Variants in HECW1 observed in about 807,000 individuals in gnomAD.
The protein encoded by HECW1 is E3 ubiquitin-protein ligase HECW1.
A neutral mutation model predicts 182.3 loss-of-function variants in HECW1; 61 were observed. That is an observed-to-expected ratio of 0.33 (90% CI 0.27 to 0.41). HECW1 has a LOEUF of 0.41. HECW1 is among the 10% of genes least tolerant of loss of function. The pLI is 1.00. For missense variants in HECW1, 1,739 were observed against 2,108.9 expected, an observed-to-expected ratio of 0.82 and a Z score of 3.44; for synonymous variants, 859 against 832.6, an observed-to-expected ratio of 1.03 and a Z score of -0.55.
rs144834658 is a variant in HECW1 at position 43,179,061 on chromosome 7, G to A, written c.-32+64670G>A. Among the ~76,000 whole-genome samples the A allele has an allele frequency of 2.2e-3, 335 of 152,256 alleles. 3 individuals carry two copies. In the East Asian group the frequency reaches 0.035, roughly 16 times the overall value. On this transcript the variant is annotated intron_variant, in intron 2 of 29. Transcript: ENST00000395891. ...TGCCAGGCCCTTCACAAGTAACACCGAGGAAAAAGAAAGCATTTTCTCCAG... is the reference window on the plus strand; with the variant it reads ...TGCCAGGCCCTTCACAAGTAACACCAAGGAAAAAGAAAGCATTTTCTCCAG...
At chr7:43,468,879 A>G (rs2077898030) in intron 15 of HECW1, 41 bp from the exon 16 acceptor site, 2 of 1,588,118 alleles carry the variant, frequency 1.3e-6, no homozygotes. Flanking sequence ...TGTTTTTCCT[A>G]ATTCCCCACT....
intron 2 of HECW1, among the ~76,000 whole-genome samples, chr7:43,213,506 C>T (rs541016306): frequency 1.2e-4 from 16 of 134,980 alleles, no homozygotes; most frequent in South Asian, 1.2e-3. Context: ...AGTGTAGTGG[C>T]GTGATCTCGG....
intron 3 of HECW1, among the ~76,000 whole-genome samples, chr7:43,250,016 A>G (rs1489608443): frequency 6.6e-6 from 1 of 152,084 alleles, no homozygotes; most frequent in East Asian, 1.9e-4. Flanking sequence ...CTTGCTTTAC[A>G]CGATTTCAGA....
chr7:43,331,454 G>A (rs939309206), intron 5 of HECW1, among the ~76,000 whole-genome samples: 2 of 151,936 alleles, frequency 1.3e-5, no homozygotes, highest in African/African-American at 2.4e-5. Flanking sequence ...TTAGCCGGAC[G>A]TGGTGGTGGG....
chr7:43,512,128 G>A, intron 24 of HECW1: 1 of 223,244 alleles, frequency 4.5e-6, no homozygotes, highest in Non-Finnish European at 8.9e-6. Flanking sequence ...TGGAGGCTGT[G>A]AAGAGGATGA....
At position 43,132,681 on chromosome 7, in the gene HECW1, C is replaced by T. The variant is rs576590972; in HGVS notation, c.-32+18290C>T. ...TAACCCAATTTTGCCCAGTGAGTGC[C>T]TTTTATGTTATCTCTAACACAAGAA... is the stretch of plus-strand genomic sequence containing the variant. On this transcript the variant is annotated intron_variant, in intron 2 of 29. Transcript: ENST00000395891. 2.6e-5 allele frequency among the ~76,000 whole-genome samples: 4 copies of T among 152,186 alleles called. No individual in the cohort carries two copies. The South Asian group carries it at 8.3e-4, about 32-fold the overall frequency.
intron 2 of HECW1, among the ~76,000 whole-genome samples, chr7:43,144,302 T>A (rs1032755330): frequency 7.2e-5 from 11 of 152,246 alleles, no homozygotes; most frequent in African/African-American, 2.7e-4. Context: ...ACTGTTGACC[T>A]TAATCACTTG....
chr7:43,180,445 G>C (rs10215158), intron 2 of HECW1, among the ~76,000 whole-genome samples: 34,376 of 151,972 alleles, frequency 0.23, 4,138 homozygotes, highest in Middle Eastern at 0.26. Flanking sequence ...GCCCAGGCTG[G>C]AGTGCAGTGG....
chr7:43,479,508 T>C (rs2078341324), intron 16 of HECW1, 102 bp from the exon 17 acceptor site: 3 of 1,378,334 alleles, frequency 2.2e-6, no homozygotes, highest in Non-Finnish European at 3.0e-6. Flanking sequence ...TGGGCAGAAA[T>C]AAACCTGAGG....
chr7:43,152,375 C>CA (rs1189961372), intron 2 of HECW1, among the ~76,000 whole-genome samples: 1 of 152,002 alleles, frequency 6.6e-6, no homozygotes, highest in Non-Finnish European at 1.5e-5. Flanking sequence ...CAACTGTGAA[C>CA]AAAAAAGTCC....
intron 2 of HECW1, among the ~76,000 whole-genome samples, chr7:43,134,928 G>A (rs191199352): frequency 1.1e-4 from 16 of 152,228 alleles, no homozygotes; most frequent in Non-Finnish European, 1.9e-4. Context: ...ATGTATCAGA[G>A]CATTTTGCTA....
chr7:43,137,428 G>C (rs1209478739), intron 2 of HECW1, among the ~76,000 whole-genome samples: 1 of 152,062 alleles, frequency 6.6e-6, no homozygotes, highest in Non-Finnish European at 1.5e-5. Flanking sequence ...CTCTAAAATG[G>C]ATACTCATCA....
At chr7:43,518,013 AT>A (rs1245659251) in intron 24 of HECW1, among the ~76,000 whole-genome samples, 1 of 152,228 alleles carries the variant, frequency 6.6e-6, no homozygotes, top group East Asian at 1.9e-4. Context: ...AAAGAAAATT[AT>A]GTTAGATTCC....
At chr7:43,327,853 G>C (rs1294974651) in intron 5 of HECW1, among the ~76,000 whole-genome samples, 1 of 152,064 alleles carries the variant, frequency 6.6e-6, no homozygotes, top group Non-Finnish European at 1.5e-5. Context: ...ATGGGATGTA[G>C]AAAGAACATA....
At position 43,469,118 on chromosome 7, in the gene HECW1, C is replaced by T; in HGVS notation, c.3099+13C>T. 6.2e-7 allele frequency: 1 copy of T among 1,612,002 alleles called. No individual in the cohort carries two copies. Among genetic ancestry groups the T allele is most frequent in the Non-Finnish European group, 8.5e-7 (1 of 1,179,082 alleles). On this transcript the variant is annotated intron_variant, in intron 16 of 29. Transcript: ENST00000395891. The stretch of plus-strand genomic sequence containing the variant: ...CCAGCAGGGAAAGGTGAGTGTGACC[C>T]ACGTGCGGGGCTTTCATCAAACAGG...
intron 3 of HECW1, among the ~76,000 whole-genome samples, chr7:43,265,153 A>G (rs533208731): frequency 8.5e-5 from 13 of 152,210 alleles, no homozygotes; most frequent in Admixed American, 7.8e-4. Flanking sequence ...GTCCTAGTCT[A>G]TGGGTCGGGA....
At chr7:43,380,462 T>C (rs2074500332) in intron 6 of HECW1, among the ~76,000 whole-genome samples, 1 of 152,190 alleles carries the variant, frequency 6.6e-6, no homozygotes, top group African/African-American at 2.4e-5. Context: ...TTTATTCTAC[T>C]GTTGATGGAC....
intron 2 of HECW1, among the ~76,000 whole-genome samples, chr7:43,210,867 C>T (rs550618633): frequency 1.3e-5 from 2 of 152,252 alleles, no homozygotes; most frequent in African/African-American, 4.8e-5. Context: ...TGGTGGACGG[C>T]GAGCGAAAGC....
chr7:43,173,034 C>T (rs375743884), intron 2 of HECW1, among the ~76,000 whole-genome samples: 3 of 152,184 alleles, frequency 2.0e-5, no homozygotes, highest in South Asian at 2.1e-4. Context: ...CAGAAGCCTC[C>T]GCGTTCAGAC....
Sources: gnomAD v4.1 joint callset for allele counts (sites outside exome capture counted in the v4.1 genomes callset) on GRCh38, gnomAD v4.1.1 for gene constraint, MANE v1.5 for transcripts, NCBI Gene and HGNC (gene_info 2026-07-23, HGNC 2026-07-21) for gene names.